Variants in CLMN observed in about 807,000 individuals in gnomAD.
CLMN encodes the protein calmin.
A neutral mutation model predicts 92.7 loss-of-function variants in CLMN; 57 were observed. That is an observed-to-expected ratio of 0.61 (90% CI 0.50 to 0.77). The LOEUF is 0.77. CLMN is among the 30% of genes least tolerant of loss of function. The pLI, the probability that CLMN is intolerant of heterozygous loss-of-function variation, is 0.00. For missense variants in CLMN, 1,158 were observed against 1,237.5 expected, an observed-to-expected ratio of 0.94 and a Z score of 0.96; for synonymous variants, 466 against 470.6, an observed-to-expected ratio of 0.99 and a Z score of 0.13.
chr14:95,195,680 CTTT>C (rs1419061486), intron 10 of CLMN, among the ~76,000 whole-genome samples: 1 of 152,238 alleles, frequency 6.6e-6, no homozygotes, highest in Non-Finnish European at 1.5e-5. Flanking sequence ...CCCTGACCTT[CTTT>C]GTCTGCCATA....
chr14:95,207,269 A>G (rs1897071806), intron 8 of CLMN, among the ~76,000 whole-genome samples: 1 of 152,190 alleles, frequency 6.6e-6, no homozygotes, highest in African/African-American at 2.4e-5. Context: ...TGAAATACAC[A>G]GTATATTATT....
At chr14:95,300,780 T>C (rs1359692798) in intron 1 of CLMN, among the ~76,000 whole-genome samples, 1 of 152,250 alleles carries the variant, frequency 6.6e-6, no homozygotes, top group Non-Finnish European at 1.5e-5. Context: ...GCCATCATTA[T>C]ATCCCGATGA....
At chr14:95,224,113 G>A (rs1394174445) in intron 2 of CLMN, among the ~76,000 whole-genome samples, 1 of 152,176 alleles carries the variant, frequency 6.6e-6, no homozygotes, top group Non-Finnish European at 1.5e-5. Flanking sequence ...GGCCCTTGGG[G>A]GCCCTTCAAA....
rs868126114 is a variant in CLMN, at chr14:95,202,916, T to G, written c.2433A>C (p.Ser811=). The G allele has an allele frequency of 6.3e-7, 1 of 1,597,736 alleles. No individual in the cohort carries two copies. The highest frequency in any genetic ancestry group is 1.7e-4 in the Middle Eastern group (1 of 5,956). ...SRGGVGTTPA[S]EPAPLAPHED... ...CATGGGGGGCCAGTGGAGCGGGTTCTGAGGCTGGTGTGGTACCCACACCAC... is the reference window on the plus strand; with the variant it reads ...CATGGGGGGCCAGTGGAGCGGGTTCGGAGGCTGGTGTGGTACCCACACCAC... Residue 811 remains serine (S), a synonymous_variant, in exon 9 of 13, where the codon TCA becomes TCC. Coordinates refer to ENST00000298912, the MANE Select transcript of CLMN (RefSeq NM_024734.4).
In CLMN at chr14:95,223,839, T is replaced by C. The variant is rs1405944962; in HGVS notation, c.161A>G (p.Glu54Gly). ...TATATCGACGAATAAATCTTTAACTTCTAGAGGTGGGTTGCACTTTGAAAG... is the reference window on the plus strand; with the variant it reads ...TATATCGACGAATAAATCTTTAACTCCTAGAGGTGGGTTGCACTTTGAAAG... ...LHLEKCNPPL[E>G]VKDLFVDIQD... Residue 54 changes from glutamate (E) to glycine (G), a missense_variant, in exon 3 of 13, where the codon GAA becomes GGA. Physicochemically the swap from Glu to Gly is moderately conservative, Grantham distance 98. Transcript: ENST00000298912. 1 of 1,612,782 alleles carries C rather than the reference T, an allele frequency of 6.2e-7. No individual in the cohort carries two copies. The highest frequency in any genetic ancestry group is 8.5e-7 in the Non-Finnish European group (1 of 1,179,616).
At chr14:95,225,508 G>A (rs1897683188) in intron 2 of CLMN, among the ~76,000 whole-genome samples, 1 of 152,238 alleles carries the variant, frequency 6.6e-6, no homozygotes, top group Non-Finnish European at 1.5e-5. Context: ...TGACTGCTAA[G>A]TGGCATCCTG....
At chr14:95,223,942 GA>G (rs1897628895) in intron 2 of CLMN, 87 bp from the exon 3 acceptor site, 2 of 950,500 alleles carry the variant, frequency 2.1e-6, no homozygotes, top group African/African-American at 1.7e-5. Flanking sequence ...CTGCTCAAGA[GA>G]AAACTTCCAA....
chr14:95,317,724 G>T (rs1220778586), intron 1 of CLMN, among the ~76,000 whole-genome samples: 1 of 152,126 alleles, frequency 6.6e-6, no homozygotes, highest in African/African-American at 2.4e-5. Context: ...CAGTGTTATT[G>T]GCTGAGAAAG....
At chr14:95,257,373 A>C (rs1899043333) in intron 1 of CLMN, among the ~76,000 whole-genome samples, 1 of 152,192 alleles carries the variant, frequency 6.6e-6, no homozygotes, top group Admixed American at 6.5e-5. Context: ...AAGGATCCCA[A>C]CTGTAAATGA....
At chr14:95,264,752 G>GT (rs1555392386) in intron 1 of CLMN, among the ~76,000 whole-genome samples, 2 of 152,026 alleles carry the variant, frequency 1.3e-5, no homozygotes, top group Non-Finnish European at 2.9e-5. Context: ...CTGTGAAGTC[G>GT]TTTTTTAGGT....
chr14:95,257,746 G>A lies in CLMN; in HGVS notation c.83-27613C>T, dbSNP rs77384691. Among the ~76,000 whole-genome samples, 1,058 of 152,292 alleles carry A rather than the reference G, an allele frequency of 6.9e-3. 29 individuals are homozygous for A. In the East Asian group the frequency reaches 0.077, roughly 11 times the overall value. ...CCAAGTCCTAGGCCTTGTCTCTGCC[G>A]CATCTCAGCACCCTGGTCCTCCCAG... On this transcript the variant is annotated intron_variant, in intron 1 of 12. Coordinates refer to ENST00000298912, the MANE Select transcript of CLMN (RefSeq NM_024734.4).
intron 1 of CLMN, among the ~76,000 whole-genome samples, chr14:95,290,616 C>T (rs1376500314): frequency 2.0e-5 from 3 of 152,166 alleles, no homozygotes; most frequent in Non-Finnish European, 1.5e-5. Context: ...TCTCCTGGGG[C>T]CTTCAGAAGG....
chr14:95,202,037 CAT>C (rs1346169124), intron 9 of CLMN, among the ~76,000 whole-genome samples: 3 of 152,290 alleles, frequency 2.0e-5, no homozygotes, highest in South Asian at 2.1e-4. Context: ...TTGCAATAAA[CAT>C]ATGTGTGCAT....
chr14:95,303,577 C>A (rs1055271027), intron 1 of CLMN, among the ~76,000 whole-genome samples: 3 of 152,220 alleles, frequency 2.0e-5, no homozygotes, highest in African/African-American at 7.2e-5. Context: ...CCAAAGTGTG[C>A]GGCTGAGAAA....
In CLMN at chr14:95,319,832, C is replaced by CTGCGGGCGCGGAGAGCCTGGCT; in HGVS notation, c.-41_-40insAGCCAGGCTCTCCGCGCCCGCA. 1 of 1,244,526 alleles carries CTGCGGGCGCGGAGAGCCTGGCT rather than the reference C, an allele frequency of 8.0e-7. No homozygotes were observed. Among genetic ancestry groups the CTGCGGGCGCGGAGAGCCTGGCT allele is most frequent in the Non-Finnish European group, 1.0e-6 (1 of 982,296 alleles). 77.1% of individuals were successfully genotyped at this position (1,244,526 alleles called of 1,614,324 possible). On this transcript the variant is annotated 5_prime_UTR_variant, in exon 1 of 13. Coordinates refer to ENST00000298912, the MANE Select transcript of CLMN (RefSeq NM_024734.4). ...AGAGCCCGGGCCAGCGCGGCGCGGG[C>CTGCGGGCGCGGAGAGCCTGGCT]GGCGGGCGCGGAGAGCCTGGCTGGC...
intron 1 of CLMN, among the ~76,000 whole-genome samples, chr14:95,248,443 G>C (rs10144203): frequency 0.14 from 21,707 of 152,136 alleles, 2,555 homozygotes; most frequent in African/African-American, 0.31. Flanking sequence ...GAAGAAATGA[G>C]AGCGAGGTTT....
chr14:95,248,869 T>C (rs1310630099), intron 1 of CLMN, among the ~76,000 whole-genome samples: 2 of 152,170 alleles, frequency 1.3e-5, no homozygotes, highest in African/African-American at 2.4e-5. Context: ...AAGTATATAT[T>C]TGATAAAAGT....
chr14:95,283,829 A>G (rs764593628), intron 1 of CLMN, among the ~76,000 whole-genome samples: 2 of 152,194 alleles, frequency 1.3e-5, no homozygotes, highest in Non-Finnish European at 2.9e-5. Flanking sequence ...AAGTTTGGAA[A>G]ATTTGCAGTC....
chr14:95,200,136 T>C (rs187526209), intron 9 of CLMN, among the ~76,000 whole-genome samples: 51 of 152,150 alleles, frequency 3.4e-4, no homozygotes, highest in African/African-American at 1.1e-3. Context: ...GCTCCTGCAC[T>C]TAGGGGACCT....
Sources: allele counts gnomAD v4.1 joint callset (sites outside exome capture counted in the v4.1 genomes callset), GRCh38; gene constraint gnomAD v4.1.1; transcripts MANE v1.5; gene names NCBI Gene and HGNC (gene_info 2026-07-23, HGNC 2026-07-21).